The following ASAP1 variants were observed in gnomAD, a reference collection of about 807,000 sequenced individuals.
The protein encoded by ASAP1 is ArfGAP with SH3 domain, ankyrin repeat and PH domain 1.
Under a neutral mutation model 145.2 loss-of-function variants are expected in ASAP1, and 43 were observed. That is an observed-to-expected ratio of 0.30 (90% CI 0.23 to 0.38). ASAP1 has a LOEUF of 0.38. ASAP1 is among the 10% of genes least tolerant of loss of function. The pLI, the probability that ASAP1 is intolerant of heterozygous loss-of-function variation, is 1.00. For synonymous variants in ASAP1, 546 were observed against 515.5 expected (o/e 1.06, Z -0.80); for missense variants, 1,018 against 1,355.3 (o/e 0.75, Z 3.91).
chr8:130,320,553 A>G (rs1823937675), intron 3 of ASAP1, among the ~76,000 whole-genome samples: 1 of 152,140 alleles, frequency 6.6e-6, no homozygotes, highest in African/African-American at 2.4e-5. Flanking sequence ...CTAAAAAAAA[A>G]AGAAAAAGAA....
In ASAP1 at chr8:130,076,263, G is replaced by C. The variant is rs998860943; in HGVS notation, c.2701+85C>G. ...CTCTAGGCATTTGGGATGGATCAAT[G>C]AACAAGGGAGATAAAAACCTTGGGC... is the stretch of plus-strand genomic sequence containing the variant. On this transcript the variant is annotated intron_variant, in intron 27 of 29. Transcript: ENST00000518721. 3.2e-6 allele frequency: 3 copies of C among 939,994 alleles called. No individual in the cohort carries two copies. The Admixed American group carries it at 7.0e-5, about 22-fold the overall frequency. 58.2% of individuals were successfully genotyped at this position (939,994 alleles called of 1,614,324 possible). A position where few individuals can be genotyped will look rare whatever the true frequency, so the allele number is the denominator to read the frequency against.
intron 3 of ASAP1, among the ~76,000 whole-genome samples, chr8:130,267,065 A>C (rs1258931592): frequency 6.6e-6 from 1 of 151,596 alleles, no homozygotes; most frequent in Non-Finnish European, 1.5e-5. Flanking sequence ...CATTAAGAGG[A>C]CAAAGAAGTA....
At chr8:130,096,715 A>G (rs990498670) in intron 24 of ASAP1, among the ~76,000 whole-genome samples, 3 of 152,216 alleles carry the variant, frequency 2.0e-5, no homozygotes, top group Admixed American at 6.5e-5. Context: ...ATCTAGGAGC[A>G]TGTGTTTTCC....
intron 1 of ASAP1, among the ~76,000 whole-genome samples, chr8:130,406,767 G>A (rs1475573859): frequency 1.3e-5 from 2 of 152,160 alleles, no homozygotes; most frequent in Non-Finnish European, 2.9e-5. Flanking sequence ...ACAGGAATGA[G>A]CCACTGTGCC....
intron 3 of ASAP1, among the ~76,000 whole-genome samples, chr8:130,268,720 T>C (rs1010784191): frequency 2.6e-5 from 4 of 152,120 alleles, no homozygotes; most frequent in Non-Finnish European, 4.4e-5. Context: ...TCTCCAAATA[T>C]TTAAAAAATT....
intron 3 of ASAP1, among the ~76,000 whole-genome samples, chr8:130,264,972 T>C (rs1362094382): frequency 6.6e-6 from 1 of 151,492 alleles, no homozygotes; most frequent in Non-Finnish European, 1.5e-5. Flanking sequence ...AGGCAAAGTA[T>C]GGGAGGAGAA....
chr8:130,227,565 A>G (rs1817658148), intron 4 of ASAP1, among the ~76,000 whole-genome samples: 2 of 151,990 alleles, frequency 1.3e-5, no homozygotes, highest in South Asian at 2.1e-4. Context: ...TGGACTCTCC[A>G]AACTATTTTT....
intron 5 of ASAP1, among the ~76,000 whole-genome samples, chr8:130,189,634 G>A (rs1013619506): frequency 1.3e-5 from 2 of 152,126 alleles, no homozygotes; most frequent in Admixed American, 1.3e-4. Context: ...GGGTTATCTT[G>A]TTGATACACT....
chr8:130,244,726 G>T (rs144145749), intron 3 of ASAP1, among the ~76,000 whole-genome samples: 1 of 152,136 alleles, frequency 6.6e-6, no homozygotes. Flanking sequence ...AAGAAGGTTG[G>T]AAAGTAATTA....
chr8:130,147,387 A>G (rs1029076353), intron 13 of ASAP1, among the ~76,000 whole-genome samples: 2 of 152,160 alleles, frequency 1.3e-5, no homozygotes, highest in African/African-American at 4.8e-5. Context: ...CTTATGAATT[A>G]GGCCTCATTA....
chr8:130,314,231 T>C (rs566835760), intron 3 of ASAP1, among the ~76,000 whole-genome samples: 5 of 152,294 alleles, frequency 3.3e-5, no homozygotes, highest in Non-Finnish European at 5.9e-5. Context: ...TACTGTGACA[T>C]CCCTGACTTT....
intron 1 of ASAP1, among the ~76,000 whole-genome samples, chr8:130,414,770 T>C (rs72726205): frequency 0.034 from 5,172 of 152,174 alleles, 122 homozygotes; most frequent in Middle Eastern, 0.075. Flanking sequence ...TTTTTTTTTT[T>C]TTTTTGAGAC....
Position 130,311,654 on chromosome 8 carries a change from G to A in ASAP1, c.186+46363C>T, listed in dbSNP as rs373848285. ...CACATGCCTGTAATCCCAGCTACTC[G>A]GGAGGCTGAGGCAAGAGAATCGCTT... On this transcript the variant is annotated intron_variant, in intron 3 of 29. Coordinates refer to ENST00000518721, the MANE Select transcript of ASAP1 (RefSeq NM_018482.4). 2.6e-5 allele frequency among the ~76,000 whole-genome samples: 4 copies of A among 151,338 alleles called. No individual in the cohort carries two copies. In the East Asian group the frequency reaches 5.9e-4, roughly 22 times the overall value.
At chr8:130,153,787 G>A (rs917231422) in intron 12 of ASAP1, among the ~76,000 whole-genome samples, 2 of 152,138 alleles carry the variant, frequency 1.3e-5, no homozygotes, top group African/African-American at 4.8e-5. Flanking sequence ...CTCTAGGAAG[G>A]GGACCCAAAC....
intron 3 of ASAP1, among the ~76,000 whole-genome samples, chr8:130,281,220 G>A (rs1202555920): frequency 6.6e-6 from 1 of 152,034 alleles, no homozygotes. Flanking sequence ...AGGATGCTGG[G>A]AGAAATAAAT....
intron 2 of ASAP1, among the ~76,000 whole-genome samples, chr8:130,393,481 C>T (rs1233517452): frequency 6.6e-6 from 1 of 152,230 alleles, no homozygotes; most frequent in Non-Finnish European, 1.5e-5. Context: ...GAAGGCCAAG[C>T]ACAGTGGCTC....
intron 1 of ASAP1, among the ~76,000 whole-genome samples, chr8:130,431,625 G>C (rs1464609629): frequency 1.3e-5 from 2 of 152,064 alleles, no homozygotes; most frequent in African/African-American, 4.8e-5. Context: ...CTGCAAGGTG[G>C]AGTCAGGCAC....
At position 130,279,387 on chromosome 8, in the gene ASAP1, G is replaced by A. The variant is rs550564040; in HGVS notation, c.187-42393C>T. 2.0e-5 allele frequency among the ~76,000 whole-genome samples: 3 copies of A among 152,318 alleles called. No homozygotes were observed. The East Asian group carries it at 5.8e-4, about 29-fold the overall frequency. ...TGGAGTCTTGAATATGGCAACGAGG[G>A]AATGTGAGGACTGGCTCACAAACCG... is the stretch of plus-strand genomic sequence containing the variant. On this transcript the variant is annotated intron_variant, in intron 3 of 29. Transcript: ENST00000518721.
chr8:130,349,807 A>G (rs1297107441), intron 3 of ASAP1, among the ~76,000 whole-genome samples: 2 of 152,210 alleles, frequency 1.3e-5, no homozygotes, highest in Non-Finnish European at 1.5e-5. Context: ...AGTGCCTCCC[A>G]TGCATTGCCT....
Sources: allele counts gnomAD v4.1 joint callset (sites outside exome capture counted in the v4.1 genomes callset), GRCh38; gene constraint gnomAD v4.1.1; transcripts MANE v1.5; gene names NCBI Gene and HGNC (gene_info 2026-07-23, HGNC 2026-07-21).